Variants in MAPKAPK5 observed in about 807,000 individuals in gnomAD.
The protein encoded by MAPKAPK5 is MAPK activated protein kinase 5.
In MAPKAPK5, 30 loss-of-function variants were observed where a neutral mutation model predicts 65.1. The ratio of observed to expected loss-of-function variants is 0.46; its 90% confidence interval spans 0.34 to 0.63. The LOEUF is 0.63. Among genes scored for constraint, MAPKAPK5 ranks in the 20% least tolerant of loss-of-function variants. The pLI is 0.01. For missense variants in MAPKAPK5, 433 were observed against 581.4 expected (o/e 0.74, Z 2.63); for synonymous variants, 179 against 204.6 (o/e 0.87, Z 1.07).
Position 111,892,937 on chromosome 12 carries a change from G to A in MAPKAPK5, c.1322-30G>A, listed in dbSNP as rs1372454931. 2.7e-6 allele frequency: 4 copies of A among 1,501,658 alleles called. No homozygotes were observed. In the Admixed American group the frequency reaches 7.9e-5, roughly 30 times the overall value. 93.0% of individuals were successfully genotyped at this position (1,501,658 alleles called of 1,614,324 possible). The stretch of plus-strand genomic sequence containing the variant: ...GTCTGCCACCTCTCAAAGAATTTGA[G>A]GACTGACCTTGTTCTTTTTTTGCTT... On this transcript the variant is annotated intron_variant, in intron 13 of 13. Coordinates refer to ENST00000550735, the MANE Select transcript of MAPKAPK5 (RefSeq NM_003668.4).
chr12:111,878,717 C>A (rs1304149856), intron 7 of MAPKAPK5, among the ~76,000 whole-genome samples: 1 of 152,122 alleles, frequency 6.6e-6, no homozygotes, highest in African/African-American at 2.4e-5. Flanking sequence ...CCATGCCCCG[C>A]CTTAATTTTT....
intron 1 of MAPKAPK5, among the ~76,000 whole-genome samples, chr12:111,855,499 A>T (rs1057347799): frequency 1.3e-5 from 2 of 152,180 alleles, no homozygotes; most frequent in African/African-American, 2.4e-5. Context: ...CTAATATCTC[A>T]TGTTAAATCT....
intron 10 of MAPKAPK5, chr12:111,887,682 CTTG>C (rs981713416): frequency 6.6e-6 from 1 of 152,100 alleles, no homozygotes; most frequent in South Asian, 2.1e-4. Context: ...CAAAAAAATT[CTTG>C]TTGTGAAAAT....
intron 6 of MAPKAPK5, 47 bp downstream of exon 6, chr12:111,870,407 A>C (rs908686732): frequency 1.4e-6 from 2 of 1,478,142 alleles, no homozygotes; most frequent in Non-Finnish European, 1.9e-6. Context: ...CTCTTAACAT[A>C]GTTCAGGAGT....
rs777369046 is a variant in MAPKAPK5, at chr12:111,842,707, C to T, written c.-27C>T. ...CAGGGCTGCTGAGCAGCCTCCGCCT[C>T]TCCCGGCTGTGGGGGCCCCACTGAG... is the stretch of plus-strand genomic sequence containing the variant. On this transcript the variant is annotated 5_prime_UTR_variant, in exon 1 of 14. Coordinates refer to ENST00000550735, the MANE Select transcript of MAPKAPK5 (RefSeq NM_003668.4). 2 of 1,371,954 alleles carry T rather than the reference C, an allele frequency of 1.5e-6. No homozygotes were observed. Among genetic ancestry groups the T allele is most frequent in the Non-Finnish European group, 1.9e-6 (2 of 1,057,072 alleles). The allele number at this position is 1,371,954 out of a possible 1,614,324, so 85.0% of individuals were successfully genotyped here.
intron 1 of MAPKAPK5, among the ~76,000 whole-genome samples, chr12:111,856,967 T>TGG (rs2069261730): frequency 1.3e-5 from 2 of 152,190 alleles, no homozygotes; most frequent in South Asian, 4.1e-4. Context: ...GATATGTATT[T>TGG]TTGAAATGCT....
intron 9 of MAPKAPK5, among the ~76,000 whole-genome samples, chr12:111,884,413 G>T (rs1244089019): frequency 2.0e-5 from 3 of 152,214 alleles, no homozygotes; most frequent in Non-Finnish European, 4.4e-5. Context: ...GTTTGACCAT[G>T]TTGGCCAGGC....
chr12:111,869,830 A>C (rs1043577112), intron 5 of MAPKAPK5, among the ~76,000 whole-genome samples: 1 of 152,118 alleles, frequency 6.6e-6, no homozygotes, highest in African/African-American at 2.4e-5. Flanking sequence ...AATTGGAAAA[A>C]CCCAGTCAGC....
At chr12:111,870,031 A>G (rs758650451) in intron 5 of MAPKAPK5, among the ~76,000 whole-genome samples, 69 of 152,232 alleles carry the variant, frequency 4.5e-4, no homozygotes, top group Non-Finnish European at 9.1e-4. Context: ...TTATTCTGAC[A>G]AAGAATTGCT....
intron 1 of MAPKAPK5, among the ~76,000 whole-genome samples, chr12:111,843,846 T>C (rs2068816168): frequency 6.6e-6 from 1 of 152,250 alleles, no homozygotes; most frequent in Admixed American, 6.5e-5. Context: ...GGAGTCTCAC[T>C]CTGTCGCCCA....
rs1728013518 is a variant in MAPKAPK5, at chr12:111,896,766, A to G, written c.*3705A>G. 1 of 152,174 alleles carries G rather than the reference A, an allele frequency of 6.6e-6. No individual in the cohort carries two copies. The highest frequency in any genetic ancestry group is 6.5e-5 in the Admixed American group (1 of 15,280). The allele number at this position is 152,174 out of a possible 1,614,324, so 9.4% of individuals were successfully genotyped here. A position where few individuals can be genotyped will look rare whatever the true frequency, so the allele number is the denominator to read the frequency against. ...GTTATAAAAGTCAGCTTGATGTAGT[A>G]AAAAAACTTGTCTCTCTCTGACTAA... On this transcript the variant is annotated 3_prime_UTR_variant, in exon 14 of 14. Transcript: ENST00000550735.
In MAPKAPK5 at chr12:111,883,761, G is replaced by T. The variant is rs1174403051; in HGVS notation, c.841G>T (p.Val281Leu). The change falls in exon 9 of 14, where the codon GTG becomes TTG. Residue 281 changes from valine (V) to leucine (L), a missense_variant. Val to Leu is a conservative substitution (Grantham distance 32, BLOSUM62 1). Coordinates refer to ENST00000550735, the MANE Select transcript of MAPKAPK5 (RefSeq NM_003668.4). The surrounding 1 kb of genome is among the most constrained non-coding windows in gnomAD (Gnocchi z 4.8). ...SQISEMAKDVVRKLLKVKPEE... is the reference protein window; with the variant it reads ...SQISEMAKDVLRKLLKVKPEE... ...GATCTCAGAGATGGCCAAAGATGTT[G>T]TGAGGAAGTGAGTTCACGGGCTGCT... 3 of 1,613,262 alleles carry T rather than the reference G, an allele frequency of 1.9e-6. No individual in the cohort carries two copies. Among genetic ancestry groups the T allele is most frequent in the African/African-American group, 1.3e-5 (1 of 74,932 alleles).
chr12:111,855,564 C>T (rs1341701152), intron 1 of MAPKAPK5, among the ~76,000 whole-genome samples: 1 of 152,130 alleles, frequency 6.6e-6, no homozygotes, highest in Admixed American at 6.6e-5. Flanking sequence ...TGCAGTGGCT[C>T]ACGCCTGTAA....
chr12:111,868,474 A>G (rs2069678838), intron 4 of MAPKAPK5, among the ~76,000 whole-genome samples: 1 of 152,244 alleles, frequency 6.6e-6, no homozygotes, highest in Non-Finnish European at 1.5e-5. Flanking sequence ...AAATGGGAAA[A>G]AAACGCTTAT....
rs1350287937 is a variant in MAPKAPK5, at chr12:111,901,249, C to T, written c.*8188C>T. ...ACAGATAAAACCCCAGTGATTTCTG[C>T]CTGCAACCCAGAAAAAACGTGTAAT... On this transcript the variant is annotated 3_prime_UTR_variant, in exon 14 of 14. Transcript: ENST00000550735. 2.2e-6 allele frequency: 1 copy of T among 455,998 alleles called. No homozygotes were observed. 28.2% of individuals were successfully genotyped at this position (455,998 alleles called of 1,614,324 possible).
chr12:111,856,964 A>AT, intron 1 of MAPKAPK5, among the ~76,000 whole-genome samples: 1 of 152,168 alleles, frequency 6.6e-6, no homozygotes, highest in Non-Finnish European at 1.5e-5. Context: ...CTGGATATGT[A>AT]TTTTTGAAAT....
intron 13 of MAPKAPK5, among the ~76,000 whole-genome samples, chr12:111,892,567 T>C (rs958995347): frequency 1.3e-5 from 2 of 152,248 alleles, no homozygotes; most frequent in Non-Finnish European, 2.9e-5. Context: ...TTTTAAATGT[T>C]TATGGGCCAG....
intron 7 of MAPKAPK5, among the ~76,000 whole-genome samples, chr12:111,877,407 G>GC (rs757526005): frequency 1.3e-5 from 2 of 151,850 alleles, no homozygotes; most frequent in South Asian, 4.2e-4. Flanking sequence ...CAGGTCTTCT[G>GC]CATTTTCACC....
chr12:111,869,103 A>G (rs548064046), intron 5 of MAPKAPK5, among the ~76,000 whole-genome samples: 15 of 146,134 alleles, frequency 1.0e-4, no homozygotes, highest in South Asian at 8.7e-4. Flanking sequence ...TGAGATTTCA[A>G]TAAACTCTGG....
Sources: gnomAD v4.1 joint callset for allele counts (sites outside exome capture counted in the v4.1 genomes callset) on GRCh38, gnomAD v4.1.1 for gene constraint, Gnocchi (gnomAD v3.1) non-coding constraint, MANE v1.5 for transcripts, NCBI Gene and HGNC (gene_info 2026-07-23, HGNC 2026-07-21) for gene names.